PCNX2: variants seen among roughly 807,000 people sequenced by gnomAD.
PCNX2 encodes the protein pecanex 2, also known as pecanex-like protein 2.
A neutral mutation model predicts 223.8 loss-of-function variants in PCNX2; 168 were observed. The ratio of observed to expected loss-of-function variants is 0.75; its 90% CI spans 0.66 to 0.85. The LOEUF is 0.85. Among genes scored for constraint, PCNX2 ranks in the 40% least tolerant of loss-of-function variants. The probability of loss-of-function intolerance (pLI) is 0.00; values close to 1 mark genes in which losing one functional copy is unlikely to be tolerated. For missense variants in PCNX2, 2,507 were observed against 2,675.5 expected (o/e 0.94, Z 1.39); for synonymous variants, 1,006 against 1,052.6 (o/e 0.96, Z 0.86).
At chr1:233,046,494 AGTCCCTGT>A (rs1160996007) in intron 25 of PCNX2, among the ~76,000 whole-genome samples, 1 of 152,240 alleles carries the variant, frequency 6.6e-6, no homozygotes, top group African/African-American at 2.4e-5. Flanking sequence ...GCTCTTTTAA[AGTCCCTGT>A]GTCCCCAACT....
intron 9 of PCNX2, 61 bp downstream of exon 9, chr1:233,236,784 A>C: frequency 6.3e-7 from 1 of 1,582,932 alleles, no homozygotes; most frequent in Non-Finnish European, 8.6e-7. Flanking sequence ...AACCTGGAAA[A>C]AGGTTTTAAG....
rs546409573 is a variant in PCNX2, at chr1:233,069,207, C to T, written c.4077-11917G>A. Among the ~76,000 whole-genome samples the T allele has an allele frequency of 5.9e-5, 9 of 152,160 alleles. No individual in the cohort carries two copies. In the East Asian group the frequency reaches 1.5e-3, roughly 26 times the overall value. On this transcript the variant is annotated intron_variant, in intron 23 of 33. Transcript: ENST00000258229. Reference sequence around the variant, plus strand: ...AGTCAAACAACTCAACTGAAACATACGTGAACCCAAACCTGATAGAACTGA... The same window carrying T: ...AGTCAAACAACTCAACTGAAACATATGTGAACCCAAACCTGATAGAACTGA...
chr1:233,039,222 C>T (rs577628673), intron 25 of PCNX2, among the ~76,000 whole-genome samples: 25 of 152,036 alleles, frequency 1.6e-4, no homozygotes, highest in Admixed American at 7.2e-4. Flanking sequence ...TTTTTTCTTT[C>T]ATATTCTCTC....
At chr1:233,151,858 A>G (rs1677831055) in intron 19 of PCNX2, among the ~76,000 whole-genome samples, 1 of 152,138 alleles carries the variant, frequency 6.6e-6, no homozygotes, top group African/African-American at 2.4e-5. Context: ...TATTTTTAGT[A>G]GAGATGGGGT....
the PCNX2 span, among the ~76,000 whole-genome samples, chr1:233,301,811 T>C: frequency 6.6e-6 from 1 of 151,364 alleles, no homozygotes; most frequent in Non-Finnish European, 1.5e-5. Context: ...TTTTTTTTTT[T>C]TCCAGAGTCT....
intron 21 of PCNX2, among the ~76,000 whole-genome samples, chr1:233,098,394 T>G (rs1674299817): frequency 6.6e-6 from 1 of 152,166 alleles, no homozygotes; most frequent in Non-Finnish European, 1.5e-5. Flanking sequence ...CAACTTGTAT[T>G]TACACATAAG....
Position 233,000,292 on chromosome 1 carries a change from G to A in PCNX2, c.5328+13C>T, listed in dbSNP as rs767431677. ...CGAGCCAACAGGGGACCCAGAAAGTGTGGCCGCCATACCTTGATCACCTTG... is the reference window on the plus strand; with the variant it reads ...CGAGCCAACAGGGGACCCAGAAAGTATGGCCGCCATACCTTGATCACCTTG... On this transcript the variant is annotated intron_variant, in intron 30 of 33. Coordinates refer to ENST00000258229, the MANE Select transcript of PCNX2 (RefSeq NM_014801.4). The surrounding 1 kb of genome is among the most constrained non-coding windows in gnomAD (Gnocchi z 4.6). 2 of 1,613,002 alleles carry A rather than the reference G, an allele frequency of 1.2e-6. No homozygotes were observed. Among genetic ancestry groups the A allele is most frequent in the African/African-American group, 1.3e-5 (1 of 75,022 alleles).
Position 233,000,558 on chromosome 1 carries a change from T to A in PCNX2, c.5098-23A>T, listed in dbSNP as rs762809617. ...GTCCTGGTGGGAAGAAGTGTGGGTG[T>A]GGGCTGGGCAAGGACCAGAGGAACT... On this transcript the variant is annotated intron_variant, in intron 29 of 33. Transcript: ENST00000258229. This position sits in a 1 kb window ranked among gnomAD's most constrained non-coding sequence, Gnocchi z 4.6. 1.3e-6 allele frequency: 2 copies of A among 1,553,534 alleles called. No homozygotes were observed. The highest frequency in any genetic ancestry group is 1.7e-6 in the Non-Finnish European group (2 of 1,154,120).
In PCNX2 at chr1:233,275,684, T is replaced by C. The variant is rs111356191; in HGVS notation, c.154-12521A>G. Among the ~76,000 whole-genome samples the C allele has an allele frequency of 4.8e-3, 737 of 152,264 alleles. 6 individuals are homozygous for C. Among genetic ancestry groups the C allele is most frequent in the African/African-American group, 0.017 (688 of 41,548 alleles). ...TATACATGCAAAAGAAATGAAAGCA[T>C]GGTCTCAAAGAGATACTTGTACCCC... On this transcript the variant is annotated intron_variant, in intron 1 of 33. Coordinates refer to ENST00000258229, the MANE Select transcript of PCNX2 (RefSeq NM_014801.4).
the PCNX2 span, among the ~76,000 whole-genome samples, chr1:233,304,245 T>C: frequency 2.0e-5 from 3 of 152,194 alleles, no homozygotes; most frequent in Admixed American, 6.5e-5. Flanking sequence ...AGCATGAGCA[T>C]GGGGTAGTAT....
chr1:233,151,380 C>G (rs1172399166), intron 19 of PCNX2, among the ~76,000 whole-genome samples: 1 of 152,200 alleles, frequency 6.6e-6, no homozygotes, highest in Non-Finnish European at 1.5e-5. Context: ...CTTCAAAATG[C>G]TCTCTTTAGC....
intron 1 of PCNX2, among the ~76,000 whole-genome samples, chr1:233,289,809 C>A (rs896514650): frequency 8.3e-6 from 1 of 120,968 alleles, no homozygotes; most frequent in Non-Finnish European, 2.0e-5. Context: ...AGAATGGCAA[C>A]GTGCCAAGCA....
intron 19 of PCNX2, among the ~76,000 whole-genome samples, chr1:233,144,962 T>C (rs28512240): frequency 7.4e-5 from 8 of 108,568 alleles, no homozygotes; most frequent in Admixed American, 4.5e-4. Flanking sequence ...TGTTTTTTTT[T>C]TTTGTTTCTT....
intron 28 of PCNX2, among the ~76,000 whole-genome samples, chr1:233,006,571 AG>A (rs371325278): frequency 5.9e-5 from 9 of 152,330 alleles, no homozygotes; most frequent in African/African-American, 2.2e-4. Flanking sequence ...GTGGAGGAGA[AG>A]GGCTCCAAGT....
intron 10 of PCNX2, among the ~76,000 whole-genome samples, chr1:233,220,976 G>C (rs970141711): frequency 6.6e-6 from 1 of 152,124 alleles, no homozygotes; most frequent in African/African-American, 2.4e-5. Context: ...TAGTAAAATA[G>C]GTTTGGAGCT....
At chr1:233,030,009 A>G (rs1345169730) in intron 25 of PCNX2, among the ~76,000 whole-genome samples, 1 of 152,160 alleles carries the variant, frequency 6.6e-6, no homozygotes, top group East Asian at 1.9e-4. Context: ...TCTGGATAAT[A>G]TGTCTTCAGT....
the PCNX2 span, among the ~76,000 whole-genome samples, chr1:233,320,569 G>A: frequency 1.0e-3 from 156 of 152,226 alleles, no homozygotes; most frequent in African/African-American, 3.7e-3. Flanking sequence ...ATCTTTAACA[G>A]CCTTTTCAGG....
intron 23 of PCNX2, among the ~76,000 whole-genome samples, chr1:233,084,004 G>T (rs1017301744): frequency 2.0e-5 from 3 of 152,162 alleles, no homozygotes; most frequent in East Asian, 3.8e-4. Flanking sequence ...AAATGAAATG[G>T]GGTCAGGAAT....
At chr1:233,188,740 C>T (rs927736266) in intron 15 of PCNX2, among the ~76,000 whole-genome samples, 2 of 152,178 alleles carry the variant, frequency 1.3e-5, no homozygotes, top group Non-Finnish European at 2.9e-5. Flanking sequence ...TCAGGCTGGT[C>T]TCAAACTCCT....
Sources: allele counts gnomAD v4.1 joint callset (sites outside exome capture counted in the v4.1 genomes callset), GRCh38; gene constraint gnomAD v4.1.1; non-coding constraint Gnocchi (gnomAD v3.1); transcripts MANE v1.5; gene names NCBI Gene and HGNC (gene_info 2026-07-23, HGNC 2026-07-21).